INPP5A: variants seen among roughly 807,000 people sequenced by gnomAD.
The protein encoded by INPP5A is 43 kDa inositol polyphosphate 5-phophatase.
In INPP5A, 14 loss-of-function variants were observed where a neutral mutation model predicts 65.2. That is an observed-to-expected ratio of 0.21 (90% CI 0.14 to 0.34). The LOEUF (loss-of-function observed/expected upper bound fraction) is 0.34, where lower values mean the gene tolerates loss of function less well. INPP5A is among the 10% of genes least tolerant of loss of function. The probability of loss-of-function intolerance (pLI) is 1.00; values close to 1 mark genes in which losing one functional copy is unlikely to be tolerated. For synonymous variants in INPP5A, 207 were observed against 208.3 expected, an observed-to-expected ratio of 0.99 and a Z score of 0.05; for missense variants, 431 against 545.6, an observed-to-expected ratio of 0.79 and a Z score of 2.09.
intron 1 of INPP5A, among the ~76,000 whole-genome samples, chr10:132,569,067 C>T (rs577847671): frequency 3.3e-5 from 5 of 152,160 alleles, no homozygotes; most frequent in Non-Finnish European, 5.9e-5. Context: ...AGGCATGTTC[C>T]ACCATGCCTG....
At chr10:132,763,989 C>T (rs1846784820) in intron 11 of INPP5A, among the ~76,000 whole-genome samples, 1 of 152,274 alleles carries the variant, frequency 6.6e-6, no homozygotes. Context: ...CGCTGCATCC[C>T]CACCCCATTT....
intron 1 of INPP5A, among the ~76,000 whole-genome samples, chr10:132,586,369 C>A (rs2071544565): frequency 6.6e-6 from 1 of 152,212 alleles, no homozygotes; most frequent in South Asian, 2.1e-4. Context: ...GCTCTCTGGA[C>A]CATGGGCGGG....
chr10:132,759,258 G>A (rs1364475754), intron 11 of INPP5A, among the ~76,000 whole-genome samples: 2 of 152,232 alleles, frequency 1.3e-5, no homozygotes, highest in East Asian at 3.9e-4. Flanking sequence ...ATGCACCAGG[G>A]AAGACCCCCG....
intron 7 of INPP5A, among the ~76,000 whole-genome samples, chr10:132,709,652 G>C (rs141522137): frequency 1.3e-5 from 2 of 152,178 alleles, no homozygotes; most frequent in African/African-American, 4.8e-5. Context: ...CATTCCTGGC[G>C]CCTCCTGGTA....
At chr10:132,719,903 T>C (rs1248744340) in intron 8 of INPP5A, among the ~76,000 whole-genome samples, 1 of 150,012 alleles carries the variant, frequency 6.7e-6, no homozygotes, top group Non-Finnish European at 1.5e-5. Flanking sequence ...GGTTCTGTGG[T>C]ACCTGGGTTC....
intron 1 of INPP5A, among the ~76,000 whole-genome samples, chr10:132,594,256 A>G (rs2071654814): frequency 6.6e-6 from 1 of 152,242 alleles, no homozygotes; most frequent in South Asian, 2.1e-4. Flanking sequence ...GCGTGTGATT[A>G]TTAAAATTTA....
At chr10:132,605,476 G>A (rs1268146694) in intron 1 of INPP5A, among the ~76,000 whole-genome samples, 1 of 133,042 alleles carries the variant, frequency 7.5e-6, no homozygotes, top group Non-Finnish European at 1.6e-5. Context: ...CCCTTGGAGG[G>A]ATGGGGAAGG....
Position 132,674,339 on chromosome 10 carries a change from G to A in INPP5A, c.307-16053G>A, listed in dbSNP as rs1420920207. On this transcript the variant is annotated intron_variant, in intron 4 of 15. Transcript: ENST00000368594. This position sits in a 1 kb window ranked among gnomAD's most constrained non-coding sequence, Gnocchi z 4.4. ...CTCCTTCCAAGCAGAGTGCACAAGC[G>A]GGTGCACTGCTTGAAGTTCTGCCCA... 2.6e-5 allele frequency among the ~76,000 whole-genome samples: 4 copies of A among 152,196 alleles called. No individual in the cohort carries two copies. Among genetic ancestry groups the A allele is most frequent in the African/African-American group, 7.2e-5 (3 of 41,436 alleles).
intron 1 of INPP5A, among the ~76,000 whole-genome samples, chr10:132,560,908 CTT>C (rs879459074): frequency 2.1e-5 from 3 of 140,380 alleles, no homozygotes; most frequent in African/African-American, 5.2e-5. Context: ...CATGCCCAGG[CTT>C]TTTTTTTTTT....
rs779499479 is a variant in INPP5A at position 132,690,412 on chromosome 10, T to C, written c.327T>C (p.Phe109=). The C allele has an allele frequency of 6.2e-7, 1 of 1,611,626 alleles. No homozygotes were observed. Among genetic ancestry groups the C allele is most frequent in the South Asian group, 1.1e-5 (1 of 91,002 alleles). The change falls in exon 5 of 16, where the codon TTT becomes TTC. Residue 109 remains phenylalanine, a synonymous_variant. Coordinates refer to ENST00000368594, the MANE Select transcript of INPP5A (RefSeq NM_005539.5). ...TACAGGCACTAGGAAGCTTTTATTT[T>C]CTTCATGAGTCCTTAAAAAACATCT... is the stretch of plus-strand genomic sequence containing the variant. ...EHFTALGSFY[F]LHESLKNIYQ...
intron 4 of INPP5A, among the ~76,000 whole-genome samples, chr10:132,658,125 T>C (rs2072683976): frequency 6.6e-6 from 1 of 152,218 alleles, no homozygotes; most frequent in Admixed American, 6.5e-5. Context: ...AAATTAAAAA[T>C]ATTGATCTCT....
chr10:132,718,860 G>A (rs1415248656), intron 8 of INPP5A, among the ~76,000 whole-genome samples: 16 of 140,282 alleles, frequency 1.1e-4, no homozygotes, highest in Middle Eastern at 4.5e-3. Flanking sequence ...ACCTTAGACG[G>A]CTGTCTTCAG....
At chr10:132,596,248 C>T (rs749968776) in intron 1 of INPP5A, among the ~76,000 whole-genome samples, 30 of 152,258 alleles carry the variant, frequency 2.0e-4, no homozygotes, top group African/African-American at 6.3e-4. Flanking sequence ...GGCGGCGTGG[C>T]GGCATGGCCC....
At chr10:132,711,624 G>A (rs926458792) in intron 8 of INPP5A, among the ~76,000 whole-genome samples, 1 of 152,196 alleles carries the variant, frequency 6.6e-6, no homozygotes, top group African/African-American at 2.4e-5. Context: ...TCCCGACTAA[G>A]CGTGCGAGGG....
intron 11 of INPP5A, among the ~76,000 whole-genome samples, chr10:132,760,263 A>G (rs12258248): frequency 0.21 from 31,493 of 152,226 alleles, 3,426 homozygotes; most frequent in Non-Finnish European, 0.25. Flanking sequence ...CCAGACAGGC[A>G]CAGGGCCAGC....
In INPP5A at chr10:132,704,116, G is replaced by A. The variant is rs934123957; in HGVS notation, c.475-4197G>A. On this transcript the variant is annotated intron_variant, in intron 6 of 15. Coordinates refer to ENST00000368594, the MANE Select transcript of INPP5A (RefSeq NM_005539.5). The surrounding 1 kb of genome is among the most constrained non-coding windows in gnomAD (Gnocchi z 4.5). Reference sequence around the variant, plus strand: ...CTGCAGCATCTGGTTCCCAAAGCATGTCAGGCCCCCCAGTCCCCCCAGACA... The same window carrying A: ...CTGCAGCATCTGGTTCCCAAAGCATATCAGGCCCCCCAGTCCCCCCAGACA... 4.0e-5 allele frequency among the ~76,000 whole-genome samples: 6 copies of A among 151,870 alleles called. No homozygotes were observed. The highest frequency in any genetic ancestry group is 5.9e-5 in the Non-Finnish European group (4 of 67,984).
In INPP5A at chr10:132,545,310, C is replaced by T. The variant is rs912496425; in HGVS notation, c.75+7139C>T. On this transcript the variant is annotated intron_variant, in intron 1 of 15. Coordinates refer to ENST00000368594, the MANE Select transcript of INPP5A (RefSeq NM_005539.5). The surrounding 1 kb of genome is among the most constrained non-coding windows in gnomAD (Gnocchi z 4.6). ...ACCGTGAAGCATCAAATTTAGAGCC[C>T]CTCTGTCCAGGGGCTAGAGGGGCAT... is the stretch of plus-strand genomic sequence containing the variant. Among the ~76,000 whole-genome samples, 11 of 152,252 alleles carry T rather than the reference C, an allele frequency of 7.2e-5. No homozygotes were observed. Among genetic ancestry groups the T allele is most frequent in the African/African-American group, 2.6e-4 (11 of 41,528 alleles).
At chr10:132,758,574 C>A (rs1307246286) in intron 11 of INPP5A, among the ~76,000 whole-genome samples, 1 of 149,142 alleles carries the variant, frequency 6.7e-6, no homozygotes, top group African/African-American at 2.5e-5. Context: ...AGTGCAATGT[C>A]GTTGGGTCCC....
chr10:132,589,606 T>C (rs907183396), intron 1 of INPP5A, among the ~76,000 whole-genome samples: 4 of 152,244 alleles, frequency 2.6e-5, no homozygotes, highest in Admixed American at 2.0e-4. Context: ...CGGTGTGCAC[T>C]GCACAGCTTG....
Sources: allele counts gnomAD v4.1 joint callset (sites outside exome capture counted in the v4.1 genomes callset), GRCh38; gene constraint gnomAD v4.1.1; non-coding constraint Gnocchi (gnomAD v3.1); transcripts MANE v1.5; gene names NCBI Gene and HGNC (gene_info 2026-07-23, HGNC 2026-07-21).